ITPR2: variants seen among roughly 807,000 people sequenced by gnomAD.
ITPR2 encodes inositol 1,4,5-trisphosphate-gated calcium channel ITPR2.
In ITPR2, 207 loss-of-function variants were observed where a neutral mutation model predicts 317.1. The observed-to-expected ratio is 0.65, with a 90% CI of 0.58 to 0.73. The LOEUF (loss-of-function observed/expected upper bound fraction) is 0.73, where lower values mean the gene tolerates loss of function less well. ITPR2 is among the 30% of genes least tolerant of loss of function. ITPR2 has a pLI of 0.00. For synonymous variants in ITPR2, 1,156 were observed against 1,149.1 expected (o/e 1.01, Z -0.12); for missense variants, 2,613 against 3,284.0 (o/e 0.80, Z 4.99).
chr12:26,569,102 G>A (rs1945086995), intron 34 of ITPR2, among the ~76,000 whole-genome samples: 1 of 151,898 alleles, frequency 6.6e-6, no homozygotes, highest in African/African-American at 2.4e-5. Flanking sequence ...AACACAAAGA[G>A]ACAAACCAAA....
intron 37 of ITPR2, among the ~76,000 whole-genome samples, chr12:26,520,231 T>C (rs535724314): frequency 1.6e-4 from 25 of 152,340 alleles, no homozygotes; most frequent in Non-Finnish European, 3.2e-4. Flanking sequence ...TGAAATTTTA[T>C]GGATCACATT....
At chr12:26,708,688 G>A (rs932534696) in intron 9 of ITPR2, among the ~76,000 whole-genome samples, 4 of 152,152 alleles carry the variant, frequency 2.6e-5, no homozygotes, top group African/African-American at 9.7e-5. Flanking sequence ...TCTAGAATTT[G>A]ATAGCCCAAC....
In ITPR2 at chr12:26,475,346, C is replaced by T. The variant is rs1942392468; in HGVS notation, c.6292G>A (p.Gly2098Ser). ...DHGDDEGGDDGVSPKDVGHNI... is the reference protein window; with the variant it reads ...DHGDDEGGDDSVSPKDVGHNI... ...TGTCCAACATCTTTTGGAGAAACAC[C>T]ATCATCTCCACCCTCATCATCCCCA... Residue 2098 changes from glycine to serine, a missense_variant, in exon 45 of 57, where the codon GGT (glycine) becomes AGT (serine). Coordinates refer to ENST00000381340, the MANE Select transcript of ITPR2 (RefSeq NM_002223.4). 2 of 1,613,202 alleles carry T rather than the reference C, an allele frequency of 1.2e-6. No individual in the cohort carries two copies. Among genetic ancestry groups the T allele is most frequent in the South Asian group, 1.1e-5 (1 of 91,056 alleles).
intron 11 of ITPR2, among the ~76,000 whole-genome samples, chr12:26,684,255 T>C (rs1230281773): frequency 1.3e-5 from 2 of 152,210 alleles, no homozygotes; most frequent in Non-Finnish European, 2.9e-5. Context: ...CATTGGACCA[T>C]AAAGTCTGAG....
intron 54 of ITPR2, among the ~76,000 whole-genome samples, chr12:26,395,537 C>T (rs1939970362): frequency 6.6e-6 from 1 of 152,130 alleles, no homozygotes; most frequent in Non-Finnish European, 1.5e-5. Context: ...GTCCATTCTT[C>T]CAAAGAGCAT....
At chr12:26,478,417 TA>T (rs1197671149) in intron 43 of ITPR2, among the ~76,000 whole-genome samples, 1 of 152,048 alleles carries the variant, frequency 6.6e-6, no homozygotes, top group Non-Finnish European at 1.5e-5. Context: ...GTGGAGAGCT[TA>T]AATCCTAGGA....
intron 32 of ITPR2, among the ~76,000 whole-genome samples, chr12:26,593,747 T>TG (rs1425266034): frequency 9.9e-5 from 15 of 151,456 alleles, no homozygotes; most frequent in Non-Finnish European, 1.8e-4. Context: ...GTTTTTTTTT[T>TG]TGTGTTTTTC....
chr12:26,829,217 AT>A (rs1257021505), intron 1 of ITPR2, among the ~76,000 whole-genome samples: 1 of 141,506 alleles, frequency 7.1e-6, no homozygotes, highest in Non-Finnish European at 1.6e-5. Flanking sequence ...GATATTCCCA[AT>A]TTTTTATTAT....
In ITPR2 at chr12:26,586,642, C is replaced by A. The variant is rs535046956; in HGVS notation, c.4381-6487G>T. Among the ~76,000 whole-genome samples the A allele has an allele frequency of 2.6e-5, 4 of 152,168 alleles. No homozygotes were observed. In the South Asian group the frequency reaches 8.3e-4, roughly 32 times the overall value. ...ATTGCTATTATGTGAGTTCATTTCA[C>A]CCTAAATAGTCAGTGTCATCAACAG... On this transcript the variant is annotated intron_variant, in intron 32 of 56. Coordinates refer to ENST00000381340, the MANE Select transcript of ITPR2 (RefSeq NM_002223.4).
At chr12:26,718,121 C>CGTGCAG (rs1592066359) in intron 5 of ITPR2, among the ~76,000 whole-genome samples, 1 of 152,114 alleles carries the variant, frequency 6.6e-6, no homozygotes, top group Non-Finnish European at 1.5e-5. Flanking sequence ...ATGTGCAGAA[C>CGTGCAG]GTGCAGGTTT....
intron 9 of ITPR2, among the ~76,000 whole-genome samples, chr12:26,700,306 A>G (rs1948421470): frequency 6.6e-6 from 1 of 152,228 alleles, no homozygotes; most frequent in Non-Finnish European, 1.5e-5. Flanking sequence ...GGGAGTGAAG[A>G]AGGCAGCAAG....
intron 26 of ITPR2, among the ~76,000 whole-genome samples, chr12:26,607,227 T>C (rs1253245604): frequency 6.6e-6 from 1 of 152,156 alleles, no homozygotes; most frequent in Non-Finnish European, 1.5e-5. Context: ...AACCAGTCAG[T>C]GACACCATAA....
chr12:26,697,449 G>C (rs1460051554), intron 9 of ITPR2, among the ~76,000 whole-genome samples: 1 of 152,176 alleles, frequency 6.6e-6, no homozygotes, highest in African/African-American at 2.4e-5. Context: ...TCTCAGGAAA[G>C]TACAAGTAAA....
intron 1 of ITPR2, among the ~76,000 whole-genome samples, chr12:26,806,967 A>AAT (rs1026984444): frequency 6.6e-4 from 101 of 152,034 alleles, no homozygotes; most frequent in Admixed American, 5.0e-3. Flanking sequence ...CTCTTTAAGA[A>AAT]ATATATATAT....
intron 56 of ITPR2, 132 bp downstream of exon 56, chr12:26,340,035 C>T (rs959818269): frequency 2.5e-5 from 20 of 796,508 alleles, no homozygotes; most frequent in Middle Eastern, 3.8e-4. Context: ...TACAGTACAA[C>T]GTGAGGTTTC....
intron 20 of ITPR2, among the ~76,000 whole-genome samples, chr12:26,655,480 G>A (rs1202905268): frequency 1.3e-5 from 2 of 151,986 alleles, no homozygotes; most frequent in Non-Finnish European, 2.9e-5. Flanking sequence ...CGGGCGTGGT[G>A]GCAGGCGCCT....
At chr12:26,531,020 A>G (rs1943929209) in intron 37 of ITPR2, among the ~76,000 whole-genome samples, 1 of 152,242 alleles carries the variant, frequency 6.6e-6, no homozygotes, top group African/African-American at 2.4e-5. Flanking sequence ...ATAGCCACTG[A>G]ATGCTAAGTA....
chr12:26,511,206 C>T (rs890327764), intron 37 of ITPR2, among the ~76,000 whole-genome samples: 1 of 152,176 alleles, frequency 6.6e-6, no homozygotes, highest in Non-Finnish European at 1.5e-5. Flanking sequence ...ATCAGTGGAA[C>T]AGGAGCATCC....
In ITPR2 at chr12:26,659,231, A is replaced by G. The variant is rs761877478; in HGVS notation, c.1768T>C (p.Leu590=). 8.1e-6 allele frequency: 13 copies of G among 1,613,586 alleles called. No homozygotes were observed. The East Asian group carries it at 2.2e-4, about 28-fold the overall frequency. Reference sequence around the variant, plus strand: ...AAAGCTGTGATAGTATCTTCTGCCAAAATATCATAGCCAATCTGGGACTGC... The same window carrying G: ...AAAGCTGTGATAGTATCTTCTGCCAGAATATCATAGCCAATCTGGGACTGC... ...VMQSQIGYDI[L]AEDTITALLH... The change falls in exon 16 of 57, where the codon TTG becomes CTG. Residue 590 remains leucine (L), a synonymous_variant. Transcript: ENST00000381340.
Sources: gnomAD v4.1 joint callset for allele counts (sites outside exome capture counted in the v4.1 genomes callset) on GRCh38, gnomAD v4.1.1 for gene constraint, MANE v1.5 for transcripts, NCBI Gene and HGNC (gene_info 2026-07-23, HGNC 2026-07-21) for gene names.